The following CCDC102B variants were observed in gnomAD, a reference collection of about 807,000 sequenced individuals.
The protein encoded by CCDC102B is coiled-coil domain containing 102B.
Under a neutral mutation model 57.4 loss-of-function variants are expected in CCDC102B, and 75 were observed. That is an observed-to-expected ratio of 1.31 (90% CI 1.08 to 1.58). CCDC102B has a LOEUF of 1.58. Among genes scored for constraint, CCDC102B ranks in the 40% most tolerant of loss-of-function variants. The probability of loss-of-function intolerance (pLI) is 0.00; values close to 1 mark genes in which losing one functional copy is unlikely to be tolerated. For synonymous variants in CCDC102B, 206 were observed against 201.9 expected (o/e 1.02, Z -0.17); for missense variants, 636 against 582.6 (o/e 1.09, Z -0.94).
chr18:69,023,744 AT>A, intron 7 of CCDC102B, among the ~76,000 whole-genome samples: 1 of 152,024 alleles, frequency 6.6e-6, no homozygotes, highest in South Asian at 2.1e-4. Context: ...CATATCCCCT[AT>A]TTTTATATAT....
intron 5 of CCDC102B, 29 bp downstream of exon 5, chr18:68,874,814 A>G: frequency 7.8e-7 from 1 of 1,281,470 alleles, no homozygotes; most frequent in South Asian, 1.2e-5. Flanking sequence ...AGTACCATAT[A>G]TATTAAAACA....
intron 1 of CCDC102B, among the ~76,000 whole-genome samples, chr18:68,812,836 G>T (rs1347105235): frequency 6.6e-6 from 1 of 152,122 alleles, no homozygotes; most frequent in Non-Finnish European, 1.5e-5. Context: ...TAGGGAAGTT[G>T]AATAATTTTG....
chr18:68,896,254 A>C (rs757244983), intron 5 of CCDC102B, among the ~76,000 whole-genome samples: 37 of 152,120 alleles, frequency 2.4e-4, no homozygotes, highest in Non-Finnish European at 4.9e-4. Context: ...GATGTAATAA[A>C]ACTGCAGAAA....
At chr18:68,934,832 C>A (rs576950363) in intron 6 of CCDC102B, among the ~76,000 whole-genome samples, 1 of 151,540 alleles carries the variant, frequency 6.6e-6, no homozygotes, top group East Asian at 2.0e-4. Context: ...TATTTAGTAC[C>A]TCCTCTGCTT....
intron 6 of CCDC102B, among the ~76,000 whole-genome samples, chr18:68,974,210 G>T (rs2050375349): frequency 6.6e-6 from 1 of 152,098 alleles, no homozygotes; most frequent in East Asian, 1.9e-4. Flanking sequence ...CTCGTGAATG[G>T]ATTAATGCCA....
intron 1 of CCDC102B, among the ~76,000 whole-genome samples, chr18:68,832,393 T>A (rs1360445022): frequency 6.6e-6 from 1 of 152,196 alleles, no homozygotes; most frequent in Non-Finnish European, 1.5e-5. Context: ...TGGTTTATTG[T>A]TTATGATTGT....
chr18:68,744,731 C>G (rs1173105949), intron 2 of CCDC102B, among the ~76,000 whole-genome samples: 1 of 152,154 alleles, frequency 6.6e-6, no homozygotes, highest in Non-Finnish European at 1.5e-5. Flanking sequence ...TTAAATTGCT[C>G]CAGCCAAGAC....
At chr18:68,974,231 A>T (rs190177693) in intron 6 of CCDC102B, among the ~76,000 whole-genome samples, 202 of 152,106 alleles carry the variant, frequency 1.3e-3, no homozygotes, top group Middle Eastern at 6.8e-3. Context: ...CTGTAAATGG[A>T]GTTTCTGCAA....
At chr18:68,735,633 G>A (rs1288260558) in intron 2 of CCDC102B, among the ~76,000 whole-genome samples, 2 of 152,058 alleles carry the variant, frequency 1.3e-5, no homozygotes, top group Non-Finnish European at 2.9e-5. Context: ...GGCAAATCTG[G>A]CAATGAAAAC....
At chr18:68,919,112 T>G (rs2041181014) in intron 6 of CCDC102B, among the ~76,000 whole-genome samples, 1 of 151,970 alleles carries the variant, frequency 6.6e-6, no homozygotes, top group Non-Finnish European at 1.5e-5. Context: ...CTTATATCTA[T>G]TTTGGAAAGA....
At chr18:69,051,296 TA>T (rs1375649410) in intron 7 of CCDC102B, among the ~76,000 whole-genome samples, 4 of 152,188 alleles carry the variant, frequency 2.6e-5, no homozygotes, top group Admixed American at 2.6e-4. Flanking sequence ...ATAAAATTCC[TA>T]AAACTAAATT....
At chr18:68,975,583 T>C (rs1478598589) in intron 6 of CCDC102B, among the ~76,000 whole-genome samples, 1 of 151,974 alleles carries the variant, frequency 6.6e-6, no homozygotes, top group Non-Finnish European at 1.5e-5. Context: ...CATTAATAAA[T>C]CATAAGTAAA....
chr18:68,915,813 G>A (rs2145091171), intron 6 of CCDC102B, among the ~76,000 whole-genome samples: 1 of 152,268 alleles, frequency 6.6e-6, no homozygotes, highest in Non-Finnish European at 1.5e-5. Context: ...ATTTCAGTCG[G>A]TGTTTAGTTT....
At chr18:69,044,253 T>C (rs1171782954) in intron 7 of CCDC102B, among the ~76,000 whole-genome samples, 1 of 152,152 alleles carries the variant, frequency 6.6e-6, no homozygotes, top group Non-Finnish European at 1.5e-5. Context: ...TAATGAGCCA[T>C]GATTCTACTT....
chr18:68,736,310 C>A (rs1026739547), intron 2 of CCDC102B, among the ~76,000 whole-genome samples: 1 of 152,144 alleles, frequency 6.6e-6, no homozygotes, highest in Admixed American at 6.5e-5. Flanking sequence ...ATGTTGCTTG[C>A]TCGTCAGAAA....
At chr18:68,804,118 G>A (rs1003191697) in intron 1 of CCDC102B, among the ~76,000 whole-genome samples, 1 of 152,170 alleles carries the variant, frequency 6.6e-6, no homozygotes, top group African/African-American at 2.4e-5. Flanking sequence ...ATTCTGCATA[G>A]GCTGTATTTC....
intron 7 of CCDC102B, among the ~76,000 whole-genome samples, chr18:69,039,969 C>A: frequency 6.6e-6 from 1 of 151,802 alleles, no homozygotes; most frequent in Non-Finnish European, 1.5e-5. Flanking sequence ...ACTGAATGAG[C>A]CACACTTTAC....
intron 2 of CCDC102B, among the ~76,000 whole-genome samples, chr18:68,731,177 G>C (rs984869582): frequency 6.6e-6 from 1 of 151,962 alleles, no homozygotes; most frequent in African/African-American, 2.4e-5. Context: ...GTAGAGACAG[G>C]GTTTCACCAT....
chr18:68,834,419 G>T (rs1229519663), intron 1 of CCDC102B, among the ~76,000 whole-genome samples: 1 of 91,934 alleles, frequency 1.1e-5, no homozygotes, highest in Non-Finnish European at 2.2e-5. Context: ...ATATGTAGTT[G>T]TATATGTAAA....
Sources: allele counts gnomAD v4.1 joint callset (sites outside exome capture counted in the v4.1 genomes callset), GRCh38; gene constraint gnomAD v4.1.1; transcripts MANE v1.5; gene names NCBI Gene and HGNC (gene_info 2026-07-23, HGNC 2026-07-21).